GRIK2: variants seen among roughly 807,000 people sequenced by gnomAD.
GRIK2 encodes glutamate receptor ionotropic, kainate 2.
A neutral mutation model predicts 100.3 loss-of-function variants in GRIK2; 32 were observed. The ratio of observed to expected loss-of-function variants is 0.32; its 90% CI spans 0.24 to 0.43. GRIK2 has a LOEUF of 0.43. Among genes scored for constraint, GRIK2 ranks in the 20% least tolerant of loss-of-function variants. GRIK2 has a pLI of 1.00. For synonymous variants in GRIK2, 417 were observed against 389.4 expected (o/e 1.07, Z -0.83); for missense variants, 843 against 1,114.9 (o/e 0.76, Z 3.47).
chr6:101,632,646 G>T (rs920688864), intron 4 of GRIK2, among the ~76,000 whole-genome samples: 1 of 152,030 alleles, frequency 6.6e-6, no homozygotes, highest in East Asian at 1.9e-4. Flanking sequence ...ATATATGTGA[G>T]TATATACATA....
intron 2 of GRIK2, among the ~76,000 whole-genome samples, chr6:101,442,577 G>A (rs1471617395): frequency 6.6e-6 from 1 of 152,164 alleles, no homozygotes; most frequent in East Asian, 1.9e-4. Context: ...ATAGGGTTTA[G>A]AAGGAAGTAT....
chr6:102,030,796 G>A (rs1001799942), intron 14 of GRIK2, among the ~76,000 whole-genome samples: 2 of 150,714 alleles, frequency 1.3e-5, no homozygotes, highest in Admixed American at 6.6e-5. Context: ...ATCTATCCAC[G>A]ACTTGGTCAA....
At chr6:101,438,619 G>C (rs1256389424) in intron 2 of GRIK2, among the ~76,000 whole-genome samples, 1 of 151,956 alleles carries the variant, frequency 6.6e-6, no homozygotes, top group East Asian at 1.9e-4. Context: ...CATCGTTCTG[G>C]CACACTCTTT....
chr6:101,704,306 T>A (rs1773105775), intron 7 of GRIK2, among the ~76,000 whole-genome samples: 1 of 151,818 alleles, frequency 6.6e-6, no homozygotes, highest in Non-Finnish European at 1.5e-5. Flanking sequence ...AGTAAGGGAA[T>A]GTGTGAGGTG....
intron 9 of GRIK2, among the ~76,000 whole-genome samples, chr6:101,810,567 C>T (rs774926069): frequency 2.8e-4 from 42 of 152,032 alleles, no homozygotes; most frequent in Non-Finnish European, 2.2e-4. Flanking sequence ...CAGACAATTG[C>T]TCTGGACTCA....
chr6:101,869,867 A>G (rs1230733849), intron 11 of GRIK2, among the ~76,000 whole-genome samples: 1 of 151,768 alleles, frequency 6.6e-6, no homozygotes, highest in Non-Finnish European at 1.5e-5. Flanking sequence ...GTGTTGTTAG[A>G]GATCAAAGCT....
At chr6:101,760,883 TCTTGA>T (rs927147774) in intron 7 of GRIK2, among the ~76,000 whole-genome samples, 21 of 151,166 alleles carry the variant, frequency 1.4e-4, no homozygotes, top group Non-Finnish European at 2.2e-4. Context: ...ATTTTTCATC[TCTTGA>T]CTTTGACAGC....
intron 9 of GRIK2, among the ~76,000 whole-genome samples, chr6:101,808,025 G>A (rs948185278): frequency 6.6e-6 from 1 of 151,966 alleles, no homozygotes; most frequent in African/African-American, 2.4e-5. Flanking sequence ...TTGTTGTTTA[G>A]AATGTGTAAC....
intron 2 of GRIK2, among the ~76,000 whole-genome samples, chr6:101,547,529 C>T (rs1185259140): frequency 6.6e-6 from 1 of 152,124 alleles, no homozygotes; most frequent in Non-Finnish European, 1.5e-5. Flanking sequence ...TCCATGTGTT[C>T]TCATTGTTCA....
chr6:101,784,482 C>A (rs2128403589), intron 7 of GRIK2, among the ~76,000 whole-genome samples: 1 of 152,282 alleles, frequency 6.6e-6, no homozygotes, highest in South Asian at 2.1e-4. Flanking sequence ...TGAGTTAAGA[C>A]TTTGAGGGAC....
In GRIK2 at chr6:101,768,897, G is replaced by T. The variant is rs150709316; in HGVS notation, c.952-30751G>T. Among the ~76,000 whole-genome samples the T allele has an allele frequency of 1.7e-3, 261 of 152,236 alleles. 1 individual carries two copies. Among genetic ancestry groups the T allele is most frequent in the Non-Finnish European group, 3.2e-3 (215 of 68,022 alleles). On this transcript the variant is annotated intron_variant, in intron 7 of 16. Transcript: ENST00000369134. The stretch of plus-strand genomic sequence containing the variant: ...GCAGTGCCATGTGGTAGGTATTATA[G>T]AAAGTAACCTTGTGGCTAAATAACT...
rs58680927 is a variant in GRIK2, at chr6:101,822,207, T to TACACACACACAC, written c.1317+3750_1317+3761dup. 4.2e-5 allele frequency among the ~76,000 whole-genome samples: 6 copies of TACACACACACAC among 143,256 alleles called. No homozygotes were observed. The South Asian group carries it at 6.9e-4, about 16-fold the overall frequency. 94.0% of individuals were successfully genotyped at this position (143,256 alleles called of 152,430 possible). On this transcript the variant is annotated intron_variant, in intron 10 of 16. Transcript: ENST00000369134. ...TGGCAGGAATTCATATGGAGAGTTT[T>TACACACACACAC]ACACACACACACACACACACACACA...
At chr6:101,902,839 A>G (rs1787957513) in intron 12 of GRIK2, among the ~76,000 whole-genome samples, 1 of 151,888 alleles carries the variant, frequency 6.6e-6, no homozygotes, top group African/African-American at 2.4e-5. Flanking sequence ...TAATAGCTTC[A>G]GGGCCTGTAT....
At position 101,399,348 on chromosome 6, in the gene GRIK2, T is replaced by G; in HGVS notation, c.71T>G (p.Leu24Arg). 1.3e-6 allele frequency: 2 copies of G among 1,592,190 alleles called. No individual in the cohort carries two copies. The highest frequency in any genetic ancestry group is 1.7e-6 in the Non-Finnish European group (2 of 1,160,000). The change falls in exon 2 of 17, where the codon CTG becomes CGG. Residue 24 changes from leucine to arginine, a missense_variant. By Grantham distance (102) the Leu-to-Arg change is moderately radical (BLOSUM62 -2). Around this residue, in one of 3 missense-constraint regions of GRIK2, gnomAD observed 519 missense variants for 643.8 expected, o/e 0.81. Coordinates refer to ENST00000369134, the MANE Select transcript of GRIK2 (RefSeq NM_021956.5). ...RRTVKLLLCL[L>R]WIGYSQGTTH... Reference sequence around the variant, plus strand: ...ACCGTTAAACTCCTGCTCTGTTTACTGTGGATTGGATATTCTCAAGGAACC... The same window carrying G: ...ACCGTTAAACTCCTGCTCTGTTTACGGTGGATTGGATATTCTCAAGGAACC...
chr6:101,684,758 A>G (rs1302901007), intron 6 of GRIK2, among the ~76,000 whole-genome samples: 1 of 149,578 alleles, frequency 6.7e-6, no homozygotes, highest in Non-Finnish European at 1.5e-5. Flanking sequence ...TAAAGAGTAG[A>G]TAGTTATGTA....
At chr6:101,942,782 T>G (rs1191387676) in intron 14 of GRIK2, among the ~76,000 whole-genome samples, 2 of 152,180 alleles carry the variant, frequency 1.3e-5, no homozygotes, top group African/African-American at 4.8e-5. Flanking sequence ...GGTCTGAAAT[T>G]AGAACTTATG....
chr6:101,993,834 TCTA>T (rs578098741), intron 14 of GRIK2: 208 of 148,044 alleles, frequency 1.4e-3, no homozygotes, highest in African/African-American at 4.8e-3. Context: ...ATATATATGT[TCTA>T]CTAGCAAATA....
At position 101,924,726 on chromosome 6, in the gene GRIK2, G is replaced by T; in HGVS notation, c.1867+7G>T. On this transcript the variant is annotated splice_region_variant and intron_variant, in intron 13 of 16. Coordinates refer to ENST00000369134, the MANE Select transcript of GRIK2 (RefSeq NM_021956.5). Reference sequence around the variant, plus strand: ...GGAGCTCTCATGCAGCAAGGTATACGATTCAGCCTGCTATTTCCTTTGGGC... The same window carrying T: ...GGAGCTCTCATGCAGCAAGGTATACTATTCAGCCTGCTATTTCCTTTGGGC... 3 of 1,492,620 alleles carry T rather than the reference G, an allele frequency of 2.0e-6. No homozygotes were observed. Among genetic ancestry groups the T allele is most frequent in the South Asian group, 1.1e-5 (1 of 88,710 alleles). 92.5% of individuals were successfully genotyped at this position (1,492,620 alleles called of 1,614,324 possible). A position where few individuals can be genotyped will look rare whatever the true frequency, so the allele number is the denominator to read the frequency against.
chr6:101,636,003 A>G (rs1396482735), intron 4 of GRIK2, among the ~76,000 whole-genome samples: 1 of 152,176 alleles, frequency 6.6e-6, no homozygotes, highest in Non-Finnish European at 1.5e-5. Flanking sequence ...GTTACTGGGT[A>G]TATACCCAAA....
Sources: allele counts gnomAD v4.1 joint callset (sites outside exome capture counted in the v4.1 genomes callset), GRCh38; gene constraint gnomAD v4.1.1; regional missense constraint gnomAD v4.1.1; transcripts MANE v1.5; gene names NCBI Gene and HGNC (gene_info 2026-07-23, HGNC 2026-07-21).